Variants in TXNRD1 observed in about 807,000 individuals in gnomAD.
The protein encoded by TXNRD1 is thioredoxin reductase 1, cytoplasmic.
Under a neutral mutation model 80.3 loss-of-function variants are expected in TXNRD1, and 57 were observed. The observed-to-expected ratio is 0.71, with a 90% CI of 0.57 to 0.89. The LOEUF (loss-of-function observed/expected upper bound fraction) is 0.89, where lower values mean the gene tolerates loss of function less well. Among genes scored for constraint, TXNRD1 ranks in the 40% least tolerant of loss-of-function variants. TXNRD1 has a pLI of 0.00. For missense variants in TXNRD1, 730 were observed against 803.0 expected (o/e 0.91, Z 1.10); for synonymous variants, 291 against 285.2 (o/e 1.02, Z -0.20).
intron 1 of TXNRD1, among the ~76,000 whole-genome samples, chr12:104,240,901 C>A (rs1325062768): frequency 6.6e-6 from 1 of 151,858 alleles, no homozygotes; most frequent in East Asian, 1.9e-4. Context: ...CGCCACCATG[C>A]CTGGCTAATT....
At chr12:104,296,237 AG>A (rs1217577112) in intron 4 of TXNRD1, among the ~76,000 whole-genome samples, 1 of 152,194 alleles carries the variant, frequency 6.6e-6, no homozygotes, top group Admixed American at 6.5e-5. Flanking sequence ...ATTCGAGGTC[AG>A]GCCCATGCAA....
At chr12:104,341,951 A>G (rs1310788285) in intron 16 of TXNRD1, among the ~76,000 whole-genome samples, 1 of 152,188 alleles carries the variant, frequency 6.6e-6, no homozygotes, top group Non-Finnish European at 1.5e-5. Flanking sequence ...AAAGGTTGCA[A>G]CTCAGGAACA....
intron 3 of TXNRD1, 110 bp from the exon 4 acceptor site, chr12:104,288,821 G>A (rs1214661537): frequency 5.6e-6 from 9 of 1,606,646 alleles, no homozygotes; most frequent in South Asian, 1.1e-5. Flanking sequence ...TCAACAGAGG[G>A]CACGCGGTGC....
chr12:104,341,939 A>G (rs906591821), intron 16 of TXNRD1, among the ~76,000 whole-genome samples: 6 of 152,188 alleles, frequency 3.9e-5, no homozygotes, highest in Admixed American at 3.9e-4. Flanking sequence ...CTTGTTTATT[A>G]TAAAGGTTGC....
chr12:104,217,619 C>T (rs987251164), intron 1 of TXNRD1, among the ~76,000 whole-genome samples: 2 of 152,092 alleles, frequency 1.3e-5, no homozygotes, highest in Admixed American at 1.3e-4. Flanking sequence ...TGACCCTAAC[C>T]GTTTTTAAGT....
chr12:104,316,023 A>G (rs1264864029), intron 7 of TXNRD1, 127 bp downstream of exon 7: 17 of 1,023,904 alleles, frequency 1.7e-5, no homozygotes, highest in Non-Finnish European at 1.1e-5. Flanking sequence ...TACATTTTTG[A>G]TGGATATAAT....
intron 1 of TXNRD1, chr12:104,224,939 A>T (rs1224234570): frequency 2.2e-6 from 1 of 456,384 alleles, no homozygotes; most frequent in Admixed American, 2.4e-5. Flanking sequence ...GAGAATGCAG[A>T]TTTTTTACAG....
At chr12:104,325,268 A>G in intron 10 of TXNRD1, 69 bp from the exon 11 acceptor site, 1 of 1,219,090 alleles carries the variant, frequency 8.2e-7, no homozygotes, top group Non-Finnish European at 1.2e-6. Flanking sequence ...AACCAGATGG[A>G]AGGGGAAGGT....
chr12:104,303,779 CACGCT>C, intron 4 of TXNRD1: 1 of 1,260,866 alleles, frequency 7.9e-7, no homozygotes, highest in Non-Finnish European at 1.1e-6. Flanking sequence ...CCACTTTCCA[CACGCT>C]GGGAGGGCCG....
chr12:104,287,266 G>C, intron 3 of TXNRD1: 4 of 1,613,912 alleles, frequency 2.5e-6, no homozygotes, highest in South Asian at 1.1e-5. Context: ...CTGAGCAGAC[G>C]GGGAGGCTTT....
chr12:104,339,439 C>A, intron 16 of TXNRD1, 166 bp downstream of exon 16: 1 of 943,010 alleles, frequency 1.1e-6, no homozygotes, highest in Non-Finnish European at 1.7e-6. Context: ...ACTGATTGCT[C>A]ATGGTATGAA....
intron 16 of TXNRD1, chr12:104,346,220 C>T (rs958197717): frequency 4.5e-6 from 1 of 223,468 alleles, no homozygotes; most frequent in African/African-American, 2.3e-5. Context: ...ATTATGTTGC[C>T]CAGGCTGGTC....
chr12:104,286,955 T>C (rs2033986524), intron 3 of TXNRD1: 1 of 1,219,462 alleles, frequency 8.2e-7, no homozygotes, highest in East Asian at 4.6e-5. Flanking sequence ...CTCTGGCAGT[T>C]AGCCCGCCCG....
At chr12:104,330,431 G>A (rs2035910053) in intron 13 of TXNRD1, among the ~76,000 whole-genome samples, 1 of 152,080 alleles carries the variant, frequency 6.6e-6, no homozygotes, top group African/African-American at 2.4e-5. Flanking sequence ...GAATCCCCTT[G>A]TCATCTATAC....
intron 4 of TXNRD1, chr12:104,305,108 ATCT>A (rs2034844342): frequency 1.6e-6 from 1 of 635,396 alleles, no homozygotes. Flanking sequence ...TAAGGTCATG[ATCT>A]TCTGTTATTA....
chr12:104,305,979 C>T (rs1326292033), intron 4 of TXNRD1, among the ~76,000 whole-genome samples: 1 of 152,162 alleles, frequency 6.6e-6, no homozygotes, highest in Non-Finnish European at 1.5e-5. Flanking sequence ...TCTCGGCCCA[C>T]TGCAACCTCT....
At chr12:104,337,699 A>T (rs2135880515) in intron 15 of TXNRD1, among the ~76,000 whole-genome samples, 1 of 152,082 alleles carries the variant, frequency 6.6e-6, no homozygotes, top group Admixed American at 6.5e-5. Context: ...TCTATTAAAA[A>T]CAAAACAAAA....
chr12:104,229,199 G>C (rs2135681257), intron 1 of TXNRD1, among the ~76,000 whole-genome samples: 1 of 144,486 alleles, frequency 6.9e-6, no homozygotes, highest in South Asian at 2.2e-4. Flanking sequence ...CCAGGCTGGA[G>C]TGTAGTGGTG....
intron 4 of TXNRD1, chr12:104,304,106 A>T: frequency 6.2e-7 from 1 of 1,614,036 alleles, no homozygotes; most frequent in Non-Finnish European, 8.5e-7. Context: ...CCGGGAGGAC[A>T]TCGTGAGCTC....
Sources: allele counts gnomAD v4.1 joint callset (sites outside exome capture counted in the v4.1 genomes callset), GRCh38; gene constraint gnomAD v4.1.1; transcripts MANE v1.5; gene names NCBI Gene and HGNC (gene_info 2026-07-23, HGNC 2026-07-21).